Variants in KDM4C observed in about 807,000 individuals in gnomAD.
KDM4C encodes lysine demethylase 4C.
KDM4C carries 81 observed loss-of-function variants against 129.3 expected under a neutral mutation model. The ratio of observed to expected loss-of-function variants is 0.63; its 90% confidence interval spans 0.52 to 0.75. The LOEUF (loss-of-function observed/expected upper bound fraction) is 0.75, where lower values mean the gene tolerates loss of function less well. Among genes scored for constraint, KDM4C ranks in the 30% least tolerant of loss-of-function variants. KDM4C has a pLI of 0.00. For missense variants in KDM4C, 1,457 were observed against 1,304.0 expected, an observed-to-expected ratio of 1.12 and a Z score of -1.81; for synonymous variants, 573 against 456.1, an observed-to-expected ratio of 1.26 and a Z score of -3.26.
chr9:6,939,620 C>G (rs572361815), intron 8 of KDM4C, among the ~76,000 whole-genome samples: 7 of 152,226 alleles, frequency 4.6e-5, no homozygotes, highest in Admixed American at 4.6e-4. Context: ...GGTACTTATA[C>G]TTTGTTACAG....
intron 2 of KDM4C, among the ~76,000 whole-genome samples, chr9:6,801,465 C>T (rs1225122917): frequency 6.6e-6 from 1 of 151,082 alleles, no homozygotes; most frequent in East Asian, 2.0e-4. Flanking sequence ...TCTGGATCTC[C>T]TGACATCGTG....
At position 6,932,712 on chromosome 9, in the gene KDM4C, C is replaced by G. The variant is rs114548873; in HGVS notation, c.921+39480C>G. On this transcript the variant is annotated intron_variant, in intron 8 of 21. Coordinates refer to ENST00000381309, the MANE Select transcript of KDM4C (RefSeq NM_015061.6). ...TCTACTCCTTCATTGGTTCTGACCC[C>G]TGGGATGATTTTGTCTCATAAAGGA... Among the ~76,000 whole-genome samples the G allele has an allele frequency of 3.2e-3, 487 of 152,296 alleles. 1 individual carries two copies. Among genetic ancestry groups the G allele is most frequent in the African/African-American group, 0.011 (464 of 41,552 alleles).
chr9:7,011,978 A>T, intron 13 of KDM4C, 99 bp downstream of exon 13: 1 of 977,646 alleles, frequency 1.0e-6, no homozygotes, highest in Non-Finnish European at 1.5e-6. Context: ...TCCTTTGCAC[A>T]TAAGAAGGAA....
intron 8 of KDM4C, among the ~76,000 whole-genome samples, chr9:6,932,020 A>G (rs558199974): frequency 6.6e-6 from 1 of 152,336 alleles, no homozygotes; most frequent in East Asian, 1.9e-4. Context: ...GTGATTCATC[A>G]GAGAAGTGAG....
At chr9:7,057,531 A>T (rs1291995838) in intron 17 of KDM4C, among the ~76,000 whole-genome samples, 1 of 152,228 alleles carries the variant, frequency 6.6e-6, no homozygotes, top group South Asian at 2.1e-4. Context: ...TCTGTAAATT[A>T]TGGTGATTGT....
intron 1 of KDM4C, among the ~76,000 whole-genome samples, chr9:6,778,977 C>T (rs1309911860): frequency 6.6e-6 from 1 of 151,092 alleles, no homozygotes; most frequent in Admixed American, 6.6e-5. Flanking sequence ...CCACCTTGAC[C>T]TTCCAAAGTG....
At chr9:6,975,832 G>C (rs568355447) in intron 8 of KDM4C, among the ~76,000 whole-genome samples, 1 of 152,326 alleles carries the variant, frequency 6.6e-6, no homozygotes, top group Non-Finnish European at 1.5e-5. Context: ...GAGGTCAGGA[G>C]TTTGAGACCA....
At position 7,174,415 on chromosome 9, in the gene KDM4C, A is replaced by G. The variant is rs543095936; in HGVS notation, c.2995-138A>G. Reference sequence around the variant, plus strand: ...GAGAGGCGAGGGAAAGCCCAAAGCCATGCCTGGGGCCCTTTTAGCCTGAGC... The same window carrying G: ...GAGAGGCGAGGGAAAGCCCAAAGCCGTGCCTGGGGCCCTTTTAGCCTGAGC... On this transcript the variant is annotated intron_variant, in intron 21 of 21. Coordinates refer to ENST00000381309, the MANE Select transcript of KDM4C (RefSeq NM_015061.6). 3.9e-5 allele frequency: 28 copies of G among 714,336 alleles called. No individual in the cohort carries two copies. The East Asian group carries it at 6.9e-4, about 18-fold the overall frequency. The allele number at this position is 714,336 out of a possible 1,614,324, so 44.2% of individuals were successfully genotyped here.
At position 6,819,093 on chromosome 9, in the gene KDM4C, TAAGA is replaced by T. The variant is rs1351208955; in HGVS notation, c.435+4349_435+4352del. The T allele has an allele frequency of 3.3e-5, 5 of 152,340 alleles. No individual in the cohort carries two copies. The East Asian group carries it at 5.8e-4, about 18-fold the overall frequency. The allele number at this position is 152,340 out of a possible 1,614,324, so 9.4% of individuals were successfully genotyped here. On this transcript the variant is annotated intron_variant, in intron 4 of 21. Transcript: ENST00000381309. ...ACTCAATCTTAAGTTTTTTTTCTTT[TAAGA>T]TAATTAACCTTTTTGTTCCCTTATT... is the stretch of plus-strand genomic sequence containing the variant.
In KDM4C at chr9:6,924,485, G is replaced by A. The variant is rs578029603; in HGVS notation, c.921+31253G>A. On this transcript the variant is annotated intron_variant, in intron 8 of 21. Coordinates refer to ENST00000381309, the MANE Select transcript of KDM4C (RefSeq NM_015061.6). ...GACTTGCCTCACACCATCCTCTGTT[G>A]CTCTGTCCTTAGTTTGGGGAATTAC... Among the ~76,000 whole-genome samples the A allele has an allele frequency of 7.2e-5, 11 of 152,268 alleles. No individual in the cohort carries two copies. The South Asian group carries it at 1.9e-3, about 26-fold the overall frequency.
chr9:7,019,209 C>G (rs1824214318), intron 15 of KDM4C, among the ~76,000 whole-genome samples: 1 of 152,190 alleles, frequency 6.6e-6, no homozygotes, highest in African/African-American at 2.4e-5. Context: ...TTACTAAACA[C>G]TTAAGTATGA....
chr9:6,890,718 G>C (rs1845998670), intron 7 of KDM4C, among the ~76,000 whole-genome samples: 1 of 152,082 alleles, frequency 6.6e-6, no homozygotes, highest in Non-Finnish European at 1.5e-5. Flanking sequence ...GGGAAAAGTA[G>C]TTTTCTTGTT....
intron 11 of KDM4C, among the ~76,000 whole-genome samples, chr9:6,987,610 C>T (rs1422353681): frequency 6.6e-6 from 1 of 151,984 alleles, no homozygotes; most frequent in Non-Finnish European, 1.5e-5. Context: ...TCCTTGTGTC[C>T]CTGAGTAGGA....
At position 6,990,538 on chromosome 9, in the gene KDM4C, C is replaced by A. The variant is rs769395580; in HGVS notation, c.1786+14C>A. 1.3e-5 allele frequency: 19 copies of A among 1,484,826 alleles called. No individual in the cohort carries two copies. The highest frequency in any genetic ancestry group is 3.5e-5 in the African/African-American group (2 of 57,552). The allele number at this position is 1,484,826 out of a possible 1,614,324, so 92.0% of individuals were successfully genotyped here. On this transcript the variant is annotated intron_variant, in intron 12 of 21. Coordinates refer to ENST00000381309, the MANE Select transcript of KDM4C (RefSeq NM_015061.6). ...CAAGTGATGAAGGTGAGATGGTGAC[C>A]CTTTTTGGGATTTTTTTTTTTTTTT...
chr9:6,755,267 A>T (rs1433732659), upstream of KDM4C, among the ~76,000 whole-genome samples: 1 of 152,150 alleles, frequency 6.6e-6, no homozygotes, highest in African/African-American at 2.4e-5. Flanking sequence ...GCTACTTGGG[A>T]GGCTGAGGCA....
At chr9:6,932,781 G>A (rs1483138576) in intron 8 of KDM4C, among the ~76,000 whole-genome samples, 1 of 152,184 alleles carries the variant, frequency 6.6e-6, no homozygotes, top group African/African-American at 2.4e-5. Context: ...GCATGATGGG[G>A]GAGGTGCCAA....
intron 19 of KDM4C, among the ~76,000 whole-genome samples, chr9:7,130,071 A>G (rs1311191030): frequency 6.6e-6 from 1 of 152,216 alleles, no homozygotes; most frequent in East Asian, 1.9e-4. Context: ...CATTGGTAGA[A>G]TGAGGCCCCT....
chr9:6,885,578 C>G (rs1845125008), intron 6 of KDM4C, among the ~76,000 whole-genome samples: 1 of 150,970 alleles, frequency 6.6e-6, no homozygotes, highest in South Asian at 2.1e-4. Flanking sequence ...ATTCCAAAGA[C>G]CATCTTTGCT....
intron 4 of KDM4C, among the ~76,000 whole-genome samples, chr9:6,845,463 C>G (rs1837688398): frequency 6.6e-6 from 1 of 152,138 alleles, no homozygotes; most frequent in Admixed American, 6.5e-5. Flanking sequence ...GATTCTCCTT[C>G]CTTGGCCTCT....
Sources: allele counts gnomAD v4.1 joint callset (sites outside exome capture counted in the v4.1 genomes callset), GRCh38; gene constraint gnomAD v4.1.1; transcripts MANE v1.5; gene names NCBI Gene and HGNC (gene_info 2026-07-23, HGNC 2026-07-21).